The following MYSM1 variants were observed in gnomAD, a reference collection of about 807,000 sequenced individuals.
MYSM1 encodes the protein deubiquitinase MYSM1.
In MYSM1, 51 loss-of-function variants were observed where a neutral mutation model predicts 116.0. The observed-to-expected ratio is 0.44, with a 90% CI of 0.35 to 0.56. MYSM1 has a LOEUF of 0.56. Ranked by LOEUF, MYSM1 falls within the 20% of genes least tolerant of loss-of-function variation. The probability of loss-of-function intolerance (pLI) is 0.00; values close to 1 mark genes in which losing one functional copy is unlikely to be tolerated. For synonymous variants in MYSM1, 313 were observed against 315.2 expected (o/e 0.99, Z 0.07); for missense variants, 900 against 974.9 (o/e 0.92, Z 1.02).
chr1:58,690,581 A>C (rs941038486), intron 3 of MYSM1, among the ~76,000 whole-genome samples, 164 bp from the exon 4 acceptor site: 1 of 144,372 alleles, frequency 6.9e-6, no homozygotes, highest in African/African-American at 2.9e-5. Context: ...AAGCTTGTCC[A>C]ATCCTCTGCC....
intron 12 of MYSM1, among the ~76,000 whole-genome samples, chr1:58,669,472 G>C (rs1319033764): frequency 6.6e-6 from 1 of 152,138 alleles, no homozygotes; most frequent in African/African-American, 2.4e-5. Flanking sequence ...TTTTTTGAAT[G>C]AATGAATGAC....
At chr1:58,660,236 C>T (rs1644371553) in intron 19 of MYSM1, 81 bp from the exon 20 acceptor site, 1 of 810,240 alleles carries the variant, frequency 1.2e-6, no homozygotes, top group Non-Finnish European at 1.8e-6. Flanking sequence ...CGTCCCTTTC[C>T]AGACCTCACA....
intron 2 of MYSM1, among the ~76,000 whole-genome samples, chr1:58,694,638 C>T (rs538971964): frequency 6.6e-6 from 1 of 151,864 alleles, no homozygotes; most frequent in Non-Finnish European, 1.5e-5. Context: ...AAAGTAACTA[C>T]TACATGAAGA....
At position 58,682,420 on chromosome 1, in the gene MYSM1, G is replaced by A; in HGVS notation, c.624C>T (p.Asn208=). ...ACTTTTCAATTTTTACAGCATTCAAGTTGGGATCAGCACGTCCCCTTAAAC... is the reference window on the plus strand; with the variant it reads ...ACTTTTCAATTTTTACAGCATTCAAATTGGGATCAGCACGTCCCCTTAAAC... ...PSCLRGRADP[N]LNAVKIEKLS... The change falls in exon 8 of 20, where the codon AAC becomes AAT. Residue 208 remains asparagine, a synonymous_variant. Coordinates refer to ENST00000472487, the MANE Select transcript of MYSM1 (RefSeq NM_001085487.3). 5.0e-6 allele frequency: 8 copies of A among 1,614,136 alleles called. No homozygotes were observed. The highest frequency in any genetic ancestry group is 6.8e-6 in the Non-Finnish European group (8 of 1,180,022).
Position 58,657,925 on chromosome 1 carries a change from T to A in MYSM1, c.*2072A>T, listed in dbSNP as rs772298537. 6.6e-6 allele frequency: 1 copy of A among 152,094 alleles called. No individual in the cohort carries two copies. Among genetic ancestry groups the A allele is most frequent in the Non-Finnish European group, 1.5e-5 (1 of 68,024 alleles). 9.4% of individuals were successfully genotyped at this position (152,094 alleles called of 1,614,324 possible). On this transcript the variant is annotated 3_prime_UTR_variant, in exon 20 of 20. Transcript: ENST00000472487. ...TTTTAACAATTTCCATTACTTTCCA[T>A]CACCCAAATTCATCAGTATTATAGG...
Position 58,659,969 on chromosome 1 carries a change from A to G in MYSM1, c.*28T>C, listed in dbSNP as rs754941807. ...TTTGAAAGTAAGATCTACTGTGTCAAGATTAAAATGTCTTAACTTTAAAAT... is the reference window on the plus strand; with the variant it reads ...TTTGAAAGTAAGATCTACTGTGTCAGGATTAAAATGTCTTAACTTTAAAAT... On this transcript the variant is annotated 3_prime_UTR_variant, in exon 20 of 20. Coordinates refer to ENST00000472487, the MANE Select transcript of MYSM1 (RefSeq NM_001085487.3). The G allele has an allele frequency of 3.7e-6, 5 of 1,367,570 alleles. No individual in the cohort carries two copies. In the Admixed American group the frequency reaches 1.2e-4, roughly 33 times the overall value. The allele number at this position is 1,367,570 out of a possible 1,614,324, so 84.7% of individuals were successfully genotyped here.
At chr1:58,691,575 C>A (rs994243843) in intron 3 of MYSM1, among the ~76,000 whole-genome samples, 2 of 151,940 alleles carry the variant, frequency 1.3e-5, no homozygotes, top group African/African-American at 4.8e-5. Context: ...GTATAAAACA[C>A]AGTGGATTTT....
In MYSM1 at chr1:58,685,139, G is replaced by A; in HGVS notation, c.498+14C>T. The A allele has an allele frequency of 6.4e-7, 1 of 1,550,700 alleles. No individual in the cohort carries two copies. ...TATTATCATTATTAACCAGGATACTGATATTCTGCTTACCTTATTTTTAAA... is the reference window on the plus strand; with the variant it reads ...TATTATCATTATTAACCAGGATACTAATATTCTGCTTACCTTATTTTTAAA... On this transcript the variant is annotated intron_variant, in intron 7 of 19. Transcript: ENST00000472487.
Position 58,672,265 on chromosome 1 carries a change from A to G in MYSM1, c.1573-307T>C, listed in dbSNP as rs561211915. On this transcript the variant is annotated intron_variant, in intron 11 of 19. Coordinates refer to ENST00000472487, the MANE Select transcript of MYSM1 (RefSeq NM_001085487.3). ...CCTGAGTCTTTTATTTCCCATTTCT[A>G]CTTACCATATTCTACTGTGTTGAGT... Among the ~76,000 whole-genome samples the G allele has an allele frequency of 2.2e-4, 33 of 152,168 alleles. No individual in the cohort carries two copies. The East Asian group carries it at 3.5e-3, about 16-fold the overall frequency.
At chr1:58,666,716 T>C (rs1644476543) in intron 16 of MYSM1, among the ~76,000 whole-genome samples, 2 of 151,152 alleles carry the variant, frequency 1.3e-5, no homozygotes, top group South Asian at 2.1e-4. Context: ...CTACTCAAAC[T>C]ACAAAAAATT....
chr1:58,696,119 T>C (rs1254561772), intron 1 of MYSM1, among the ~76,000 whole-genome samples: 2 of 152,188 alleles, frequency 1.3e-5, no homozygotes, highest in African/African-American at 2.4e-5. Context: ...CAACTGTTGA[T>C]GGTAAATAGA....
At chr1:58,678,235 T>C (rs1644683316) in intron 8 of MYSM1, among the ~76,000 whole-genome samples, 1 of 152,154 alleles carries the variant, frequency 6.6e-6, no homozygotes, top group Admixed American at 6.5e-5. Context: ...TAATTTGTGA[T>C]GTGGGAGGGT....
intron 1 of MYSM1, among the ~76,000 whole-genome samples, chr1:58,699,127 C>T (rs1645026082): frequency 6.6e-6 from 1 of 152,194 alleles, no homozygotes; most frequent in South Asian, 2.1e-4. Context: ...TAGGACTCTT[C>T]ATGACTAAAA....
intron 2 of MYSM1, among the ~76,000 whole-genome samples, chr1:58,693,541 T>C (rs1025612868): frequency 6.6e-6 from 1 of 152,230 alleles, no homozygotes; most frequent in Non-Finnish European, 1.5e-5. Flanking sequence ...TATTACTCAC[T>C]AAGTTATTCC....
At chr1:58,683,852 T>C (rs1444074586) in intron 7 of MYSM1, among the ~76,000 whole-genome samples, 2 of 152,186 alleles carry the variant, frequency 1.3e-5, no homozygotes, top group Non-Finnish European at 1.5e-5. Context: ...CTGTCTATAA[T>C]TTTAAAAATT....
At chr1:58,666,732 G>C (rs927546754) in intron 16 of MYSM1, among the ~76,000 whole-genome samples, 7 of 151,648 alleles carry the variant, frequency 4.6e-5, no homozygotes, top group Admixed American at 4.6e-4. Flanking sequence ...AAATTAGCTA[G>C]GCGTGGTGGT....
In MYSM1 at chr1:58,664,127, C is replaced by T. The variant is rs753297427; in HGVS notation, c.2164+1372G>A. Among the ~76,000 whole-genome samples the T allele has an allele frequency of 1.3e-4, 20 of 152,224 alleles. No homozygotes were observed. The South Asian group carries it at 1.4e-3, about 11-fold the overall frequency. Reference sequence around the variant, plus strand: ...TAATCAACTTACATTTAAAGTCACACGTACTGCTATTGTACTGGATAGCAT... The same window carrying T: ...TAATCAACTTACATTTAAAGTCACATGTACTGCTATTGTACTGGATAGCAT... On this transcript the variant is annotated intron_variant, in intron 17 of 19. Transcript: ENST00000472487.
Position 58,667,714 on chromosome 1 carries a change from C to T in MYSM1, c.1842+133G>A, listed in dbSNP as rs1644495128. On this transcript the variant is annotated intron_variant, in intron 15 of 19. Coordinates refer to ENST00000472487, the MANE Select transcript of MYSM1 (RefSeq NM_001085487.3). ...GTCACTTCTGGGAATATATAACTTG[C>T]TACATTTGCATATTCTCATATATAT... 2 of 608,156 alleles carry T rather than the reference C, an allele frequency of 3.3e-6. No individual in the cohort carries two copies. Among genetic ancestry groups the T allele is most frequent in the Non-Finnish European group, 5.8e-6 (2 of 344,326 alleles). The allele number at this position is 608,156 out of a possible 1,614,324, so 37.7% of individuals were successfully genotyped here. A position where few individuals can be genotyped will look rare whatever the true frequency, so the allele number is the denominator to read the frequency against.
chr1:58,667,227 C>G lies in MYSM1; in HGVS notation c.1843-1G>C. The G allele has an allele frequency of 6.5e-7, 1 of 1,528,514 alleles. No homozygotes were observed. 94.7% of individuals were successfully genotyped at this position (1,528,514 alleles called of 1,614,324 possible). ...TGTTACATGGTTCTGCTGCACAGACCTATAAACGATTGATCCTCAAATGAT... is the reference window on the plus strand; with the variant it reads ...TGTTACATGGTTCTGCTGCACAGACGTATAAACGATTGATCCTCAAATGAT... On this transcript the variant is annotated splice_acceptor_variant, in intron 15 of 19. Transcript: ENST00000472487. LOFTEE classifies it high-confidence loss of function.
Sources: allele counts gnomAD v4.1 joint callset (sites outside exome capture counted in the v4.1 genomes callset), GRCh38; gene constraint gnomAD v4.1.1; transcripts MANE v1.5; gene names NCBI Gene and HGNC (gene_info 2026-07-23, HGNC 2026-07-21).